The following SCFD2 variants were observed in gnomAD, a reference collection of about 807,000 sequenced individuals.
The protein encoded by SCFD2 is sec1 family domain containing 2.
A neutral mutation model predicts 58.9 loss-of-function variants in SCFD2; 54 were observed. That is an observed-to-expected ratio of 0.92 (90% confidence interval 0.74 to 1.15). The LOEUF (loss-of-function observed/expected upper bound fraction) is 1.15. Ranked by LOEUF, SCFD2 falls within the 50% of genes most tolerant of loss-of-function variation. The pLI is 0.00. For missense variants in SCFD2, 805 were observed against 836.6 expected, an observed-to-expected ratio of 0.96 and a Z score of 0.47; for synonymous variants, 321 against 335.9, an observed-to-expected ratio of 0.96 and a Z score of 0.49.
chr4:53,012,918 T>C (rs4864709), intron 5 of SCFD2, among the ~76,000 whole-genome samples: 41,975 of 151,412 alleles, frequency 0.28, 7,133 homozygotes, highest in Non-Finnish European at 0.37. Context: ...CTCTGAGGAA[T>C]AGCACACTCC....
chr4:53,213,963 T>C (rs937669900), intron 4 of SCFD2, among the ~76,000 whole-genome samples: 1 of 152,120 alleles, frequency 6.6e-6, no homozygotes, highest in Non-Finnish European at 1.5e-5. Context: ...GCTTCATCCC[T>C]GTCCCTACAA....
chr4:53,120,871 A>G (rs1359401226), intron 5 of SCFD2, among the ~76,000 whole-genome samples: 1 of 152,104 alleles, frequency 6.6e-6, no homozygotes, highest in Non-Finnish European at 1.5e-5. Context: ...TGTCATCCAA[A>G]CTCTTTGTGT....
At chr4:53,200,557 G>A (rs1728198753) in intron 4 of SCFD2, among the ~76,000 whole-genome samples, 1 of 152,030 alleles carries the variant, frequency 6.6e-6, no homozygotes, top group Admixed American at 6.6e-5. Flanking sequence ...TAAGGTAAAA[G>A]CAATAATCTG....
intron 4 of SCFD2, among the ~76,000 whole-genome samples, chr4:53,165,947 A>G (rs558346106): frequency 3.2e-4 from 48 of 152,318 alleles, no homozygotes; most frequent in Admixed American, 1.9e-3. Flanking sequence ...AGAATTTGCT[A>G]TCTTTATTAG....
chr4:52,961,689 C>T (rs1479026383), intron 5 of SCFD2, among the ~76,000 whole-genome samples: 4 of 152,098 alleles, frequency 2.6e-5, no homozygotes. Context: ...GCAAGAGATG[C>T]CACTGACGAC....
intron 4 of SCFD2, among the ~76,000 whole-genome samples, chr4:53,237,255 G>A (rs894638863): frequency 2.7e-5 from 4 of 146,650 alleles, no homozygotes; most frequent in Non-Finnish European, 4.6e-5. Flanking sequence ...ACACAGACAC[G>A]GCAACCATCC....
chr4:53,114,310 C>T (rs1176751687), intron 5 of SCFD2, among the ~76,000 whole-genome samples: 1 of 152,052 alleles, frequency 6.6e-6, no homozygotes, highest in Non-Finnish European at 1.5e-5. Context: ...CTATATATCT[C>T]CAAAACAGAT....
intron 5 of SCFD2, among the ~76,000 whole-genome samples, chr4:53,094,698 C>T (rs1301556511): frequency 1.3e-5 from 2 of 151,866 alleles, no homozygotes; most frequent in African/African-American, 4.8e-5. Context: ...GTACAATGTG[C>T]TTTTATTTCT....
intron 5 of SCFD2, among the ~76,000 whole-genome samples, chr4:52,966,873 G>C (rs1720976651): frequency 6.6e-6 from 1 of 152,002 alleles, no homozygotes; most frequent in Admixed American, 6.6e-5. Context: ...TACCATTGTA[G>C]CCATTTTAAG....
chr4:52,920,814 G>T lies in SCFD2; in HGVS notation c.1618C>A (p.Leu540Ile). Residue 540 changes from leucine to isoleucine, a missense_variant, in exon 6 of 9, where the codon CTC becomes ATC. Transcript: ENST00000401642. ...GCAATATCCCGAAGTGAAGTAAAGA[G>T]TTCATCCACGGCAATTTTGGATTTG... ...FHKSKIAVDE[L>I]FTSLRDIAGA... 4 of 1,610,598 alleles carry T rather than the reference G, an allele frequency of 2.5e-6. No homozygotes were observed. The highest frequency in any genetic ancestry group is 3.4e-6 in the Non-Finnish European group (4 of 1,177,292).
intron 4 of SCFD2, among the ~76,000 whole-genome samples, chr4:53,151,628 TG>T (rs1726509179): frequency 6.6e-6 from 1 of 152,230 alleles, no homozygotes; most frequent in African/African-American, 2.4e-5. Context: ...TGCCCTTCTA[TG>T]GTGCACAGCC....
intron 7 of SCFD2, among the ~76,000 whole-genome samples, chr4:52,894,288 TTCATTAGATAAAAACCCACCCTTC>T: frequency 6.6e-6 from 1 of 152,332 alleles, no homozygotes; most frequent in African/African-American, 2.4e-5. Context: ...CTCATGCAGT[TTCATTAGATAAAAACCCACCCTTC>T]TCATGTCAAT....
chr4:53,161,229 C>T (rs73250941), intron 4 of SCFD2, among the ~76,000 whole-genome samples: 24,211 of 152,106 alleles, frequency 0.16, 2,405 homozygotes, highest in Admixed American at 0.24. Flanking sequence ...GTGATGATTA[C>T]ACAGCTGTCT....
chr4:53,153,625 T>C (rs1560360057), intron 4 of SCFD2, among the ~76,000 whole-genome samples: 1 of 152,216 alleles, frequency 6.6e-6, no homozygotes, highest in African/African-American at 2.4e-5. Flanking sequence ...TTGGATCCCT[T>C]TTAGTCATGT....
intron 5 of SCFD2, among the ~76,000 whole-genome samples, chr4:52,971,222 CA>C (rs1349861886): frequency 2.0e-5 from 3 of 152,002 alleles, no homozygotes; most frequent in Non-Finnish European, 4.4e-5. Context: ...CTACTCCGAG[CA>C]AAAGGAGGAA....
chr4:53,006,578 A>G (rs1327547431), intron 5 of SCFD2, among the ~76,000 whole-genome samples: 1 of 152,226 alleles, frequency 6.6e-6, no homozygotes, highest in Non-Finnish European at 1.5e-5. Context: ...TAGCTTACTT[A>G]GTTAACTGAA....
chr4:53,085,284 A>G (rs917618931), intron 5 of SCFD2, among the ~76,000 whole-genome samples: 2 of 152,210 alleles, frequency 1.3e-5, no homozygotes, highest in African/African-American at 4.8e-5. Context: ...CCCATTTACA[A>G]AGGCCACAAA....
intron 4 of SCFD2, among the ~76,000 whole-genome samples, chr4:53,224,842 C>T (rs1252992641): frequency 3.9e-5 from 6 of 152,030 alleles, no homozygotes; most frequent in African/African-American, 1.5e-4. Flanking sequence ...TATATCTAAT[C>T]TCCCTCTACT....
chr4:53,181,607 G>A (rs569477083), intron 4 of SCFD2, among the ~76,000 whole-genome samples: 1 of 152,274 alleles, frequency 6.6e-6, no homozygotes, highest in South Asian at 2.1e-4. Flanking sequence ...AGACAGAGAT[G>A]CCCTCTCTCA....
Sources: gnomAD v4.1 joint callset for allele counts (sites outside exome capture counted in the v4.1 genomes callset) on GRCh38, gnomAD v4.1.1 for gene constraint, MANE v1.5 for transcripts, NCBI Gene and HGNC (gene_info 2026-07-23, HGNC 2026-07-21) for gene names.